Variants in IL22RA1 observed in about 807,000 individuals in gnomAD.
IL22RA1 encodes the protein interleukin-22 receptor subunit alpha-1.
IL22RA1 carries 25 observed loss-of-function variants against 32.8 expected under a neutral mutation model. The ratio of observed to expected loss-of-function variants is 0.76; its 90% CI spans 0.55 to 1.06. The LOEUF (loss-of-function observed/expected upper bound fraction) is 1.06. Ranked by LOEUF, IL22RA1 falls within the 50% of genes least tolerant of loss-of-function variation. IL22RA1 has a pLI of 0.00. For missense variants in IL22RA1, 709 were observed against 727.4 expected, an observed-to-expected ratio of 0.97 and a Z score of 0.29; for synonymous variants, 305 against 305.0, an observed-to-expected ratio of 1.00 and a Z score of 0.00.
rs777545837 is a variant in IL22RA1 at position 24,128,175 on chromosome 1, A to G, written c.636T>C (p.Ser212=). 1.3e-6 allele frequency: 2 copies of G among 1,583,900 alleles called. No individual in the cohort carries two copies. Among genetic ancestry groups the G allele is most frequent in the Non-Finnish European group, 1.7e-6 (2 of 1,164,622 alleles). Residue 212 remains serine, a synonymous_variant, in exon 5 of 7, where the codon AGT becomes AGC. Transcript: ENST00000270800. The stretch of plus-strand genomic sequence containing the variant: ...TCTTCACTCGGCACATGTAGGGGGC[A>G]CTCTCCTTGGCCCAGGTGGGAACGC... ...MICVPTWAKE[S]APYMCRVKTL... is the part of the protein sequence containing the mutation.
intron 5 of IL22RA1, 89 bp downstream of exon 5, chr1:24,128,052 C>A: frequency 7.5e-7 from 1 of 1,337,054 alleles, no homozygotes; most frequent in Non-Finnish European, 1.0e-6. Context: ...AGAGTGTTGC[C>A]AAGTCTCACC....
At chr1:24,124,746 G>A (rs909475595) in intron 5 of IL22RA1, among the ~76,000 whole-genome samples, 3 of 151,988 alleles carry the variant, frequency 2.0e-5, no homozygotes, top group Non-Finnish European at 4.4e-5. Context: ...CCTAGCCCAC[G>A]AGCTTGGGCC....
At chr1:24,129,667 T>C (rs1644192078) in intron 4 of IL22RA1, among the ~76,000 whole-genome samples, 2 of 152,252 alleles carry the variant, frequency 1.3e-5, no homozygotes, top group African/African-American at 2.4e-5. Flanking sequence ...GAATTTTCTT[T>C]GGCTCTTTGT....
rs535303518 is a variant in IL22RA1, at chr1:24,119,925, C to T, written c.*880G>A. On this transcript the variant is annotated 3_prime_UTR_variant, in exon 7 of 7. Coordinates refer to ENST00000270800, the MANE Select transcript of IL22RA1 (RefSeq NM_021258.4). ...AAACCGAGGTTCTGGGCACTGATTTCATTTGTTTGAAGTCACACAGCTTGT... is the reference window on the plus strand; with the variant it reads ...AAACCGAGGTTCTGGGCACTGATTTTATTTGTTTGAAGTCACACAGCTTGT... 4 of 152,330 alleles carry T rather than the reference C, an allele frequency of 2.6e-5. No individual in the cohort carries two copies. The highest frequency in any genetic ancestry group is 4.1e-4 in the South Asian group (2 of 4,828). 9.4% of individuals were successfully genotyped at this position (152,330 alleles called of 1,614,324 possible).
chr1:24,123,682 A>G (rs1644142381), intron 5 of IL22RA1: 7 of 670,304 alleles, frequency 1.0e-5, no homozygotes, highest in Non-Finnish European at 1.5e-5. Flanking sequence ...ATTTTTTACA[A>G]CCACCTGGGA....
chr1:24,126,516 G>A (rs1644162513), intron 5 of IL22RA1, among the ~76,000 whole-genome samples: 1 of 152,228 alleles, frequency 6.6e-6, no homozygotes, highest in South Asian at 2.1e-4. Context: ...CAGGCACGTG[G>A]TTGGCTGACA....
intron 5 of IL22RA1, among the ~76,000 whole-genome samples, chr1:24,126,764 C>A (rs894741333): frequency 2.0e-5 from 3 of 152,156 alleles, no homozygotes; most frequent in Non-Finnish European, 4.4e-5. Context: ...AGCAATACAA[C>A]GTTTCCCTCC....
intron 3 of IL22RA1, chr1:24,134,737 G>T: frequency 3.3e-6 from 2 of 601,584 alleles, no homozygotes; most frequent in Non-Finnish European, 4.2e-6. Flanking sequence ...CTCATCTATT[G>T]AGTATGACAG....
At chr1:24,127,327 T>TC (rs1291776335) in intron 5 of IL22RA1, among the ~76,000 whole-genome samples, 1 of 151,814 alleles carries the variant, frequency 6.6e-6, no homozygotes, top group Admixed American at 6.6e-5. Flanking sequence ...TTTTTTTTTT[T>TC]CCGAGACAAG....
chr1:24,121,831 G>A, intron 6 of IL22RA1, 94 bp from the exon 7 acceptor site: 1 of 958,540 alleles, frequency 1.0e-6, no homozygotes, highest in Non-Finnish European at 1.5e-6. Flanking sequence ...TCCATAGGGA[G>A]GCATCTGGGG....
At chr1:24,129,625 A>G (rs1644191854) in intron 4 of IL22RA1, among the ~76,000 whole-genome samples, 1 of 152,244 alleles carries the variant, frequency 6.6e-6, no homozygotes, top group Admixed American at 6.5e-5. Flanking sequence ...TTAAAGGGCC[A>G]GAACCTGTGT....
chr1:24,127,104 G>A lies in IL22RA1; in HGVS notation c.670+1037C>T, dbSNP rs148056856. Among the ~76,000 whole-genome samples, 313 of 152,068 alleles carry A rather than the reference G, an allele frequency of 2.1e-3. 3 individuals are homozygous for A. Among genetic ancestry groups the A allele is most frequent in the African/African-American group, 7.4e-3 (307 of 41,508 alleles). ...GGAGGCTGAGGTGGGAGAATTTCTT[G>A]AAACTGGGAAGCAGAAGTTGTAGTG... On this transcript the variant is annotated intron_variant, in intron 5 of 6. Transcript: ENST00000270800.
intron 3 of IL22RA1, among the ~76,000 whole-genome samples, chr1:24,136,138 A>T (rs1165402670): frequency 6.6e-6 from 1 of 152,082 alleles, no homozygotes; most frequent in Admixed American, 6.6e-5. Context: ...AATTTTTTGT[A>T]GAGATGGGGT....
At chr1:24,130,120 G>T (rs993164620) in intron 4 of IL22RA1, among the ~76,000 whole-genome samples, 1 of 152,062 alleles carries the variant, frequency 6.6e-6, no homozygotes, top group Non-Finnish European at 1.5e-5. Flanking sequence ...CTACTTAAAA[G>T]CATTGGAGAG....
chr1:24,131,588 T>C lies in IL22RA1; in HGVS notation c.531+2623A>G, dbSNP rs184332791. On this transcript the variant is annotated intron_variant, in intron 4 of 6. Coordinates refer to ENST00000270800, the MANE Select transcript of IL22RA1 (RefSeq NM_021258.4). Reference sequence around the variant, plus strand: ...TACAACAATCATAAATATATATGTATTTAATAACTGAGTTTCAAAATGCAC... The same window carrying C: ...TACAACAATCATAAATATATATGTACTTAATAACTGAGTTTCAAAATGCAC... Among the ~76,000 whole-genome samples the C allele has an allele frequency of 3.3e-4, 50 of 152,320 alleles. No individual in the cohort carries two copies. In the East Asian group the frequency reaches 8.1e-3, roughly 25 times the overall value.
rs752657948 is a variant in IL22RA1, at chr1:24,120,913, G to A, written c.1617C>T (p.Pro539=). ...GGGCTGGGCTCTTGGCTTCATCCTT[G>A]GGACACACAAGGGACTCCAGCAGGC... ...PWGLLESLVC[P]KDEAKSPAPE... The change falls in exon 7 of 7, where the codon CCC becomes CCT. Residue 539 remains proline, a synonymous_variant. Transcript: ENST00000270800. 1.2e-6 allele frequency: 2 copies of A among 1,614,192 alleles called. No homozygotes were observed. Among genetic ancestry groups the A allele is most frequent in the South Asian group, 2.2e-5 (2 of 91,078 alleles).
chr1:24,143,078 C>T lies in IL22RA1; in HGVS notation c.5G>A (p.Arg2Lys). The T allele has an allele frequency of 6.2e-7, 1 of 1,612,930 alleles. No homozygotes were observed. Among genetic ancestry groups the T allele is most frequent in the East Asian group, 2.2e-5 (1 of 44,854 alleles). Residue 2 changes from arginine to lysine, a missense_variant, in exon 1 of 7, where the codon AGG becomes AAG. Physicochemically the swap from Arg to Lys is conservative, Grantham distance 26. Coordinates refer to ENST00000270800, the MANE Select transcript of IL22RA1 (RefSeq NM_021258.4). The stretch of plus-strand genomic sequence containing the variant: ...CACAGTCAAGATGGTCAGCAGCGTC[C>T]TCATCGGGGCTGGCACAGAGCCCTC... M[R>K]TLLTILTVGS...
At chr1:24,140,421 CT>C (rs1386212434) in intron 1 of IL22RA1, among the ~76,000 whole-genome samples, 2 of 152,054 alleles carry the variant, frequency 1.3e-5, no homozygotes, top group Non-Finnish European at 2.9e-5. Context: ...CTTGTTCACC[CT>C]TTTATATGAG....
At chr1:24,140,590 G>A (rs1036807817) in intron 1 of IL22RA1, among the ~76,000 whole-genome samples, 3 of 152,190 alleles carry the variant, frequency 2.0e-5, no homozygotes, top group African/African-American at 7.2e-5. Context: ...TAAGGGAAGG[G>A]CAGTGAGGGC....
Sources: allele counts gnomAD v4.1 joint callset (sites outside exome capture counted in the v4.1 genomes callset), GRCh38; gene constraint gnomAD v4.1.1; transcripts MANE v1.5; gene names NCBI Gene and HGNC (gene_info 2026-07-23, HGNC 2026-07-21).